Variants in MAST4 observed in about 807,000 individuals in gnomAD.
MAST4 encodes the protein microtubule associated serine/threonine kinase family member 4.
A neutral mutation model predicts 162.7 loss-of-function variants in MAST4; 89 were observed. The ratio of observed to expected loss-of-function variants is 0.55; its 90% CI spans 0.46 to 0.65. The LOEUF (loss-of-function observed/expected upper bound fraction) is 0.65. Ranked by LOEUF, MAST4 falls within the 30% of genes least tolerant of loss-of-function variation. The probability of loss-of-function intolerance (pLI) is 0.00; values close to 1 mark genes in which losing one functional copy is unlikely to be tolerated. For synonymous variants in MAST4, 1,479 were observed against 1,361.1 expected, an observed-to-expected ratio of 1.09 and a Z score of -1.91; for missense variants, 3,153 against 3,374.0, an observed-to-expected ratio of 0.93 and a Z score of 1.62.
chr5:67,140,045 C>T (rs926725075), intron 19 of MAST4, among the ~76,000 whole-genome samples: 2 of 152,220 alleles, frequency 1.3e-5, no homozygotes, highest in African/African-American at 4.8e-5. Context: ...ACACTGGCTG[C>T]AGTCTGGTTG....
chr5:67,138,979 A>G (rs2151022408), intron 19 of MAST4, among the ~76,000 whole-genome samples: 1 of 152,362 alleles, frequency 6.6e-6, no homozygotes, highest in East Asian at 1.9e-4. Flanking sequence ...TTTATAAATC[A>G]TAGGCTGCAA....
chr5:66,791,171 A>G (rs147943729), intron 3 of MAST4, among the ~76,000 whole-genome samples: 527 of 152,260 alleles, frequency 3.5e-3, no homozygotes, highest in Non-Finnish European at 6.3e-3. Flanking sequence ...TTACAGGAGT[A>G]CACCACCACG....
At chr5:66,748,687 A>C (rs1007808868) in intron 1 of MAST4, among the ~76,000 whole-genome samples, 2 of 151,576 alleles carry the variant, frequency 1.3e-5, no homozygotes, top group Non-Finnish European at 1.5e-5. Context: ...ACAGGGTTTC[A>C]CCATGTTGGC....
intron 1 of MAST4, among the ~76,000 whole-genome samples, chr5:66,699,941 T>A (rs1749659022): frequency 1.3e-5 from 2 of 151,942 alleles, no homozygotes; most frequent in African/African-American, 4.8e-5. Context: ...AACCCCAAAC[T>A]CTTTGTCTCA....
chr5:67,070,603 A>G lies in MAST4; in HGVS notation c.763+16111A>G, dbSNP rs148515048. 4.8e-3 allele frequency among the ~76,000 whole-genome samples: 728 copies of G among 152,328 alleles called. 5 individuals carry two copies. Among genetic ancestry groups the G allele is most frequent in the African/African-American group, 0.017 (686 of 41,570 alleles). On this transcript the variant is annotated intron_variant, in intron 5 of 28. Transcript: ENST00000403625. ...ATCATGCATTCTGCTTTTTATTAAA[A>G]TACCCATAACATCTGCCACCACACC...
intron 5 of MAST4, among the ~76,000 whole-genome samples, chr5:67,079,407 T>A (rs1581477026): frequency 6.6e-6 from 1 of 152,180 alleles, no homozygotes; most frequent in African/African-American, 2.4e-5. Context: ...AATTTTTTTA[T>A]ACACATATGC....
chr5:66,761,433 C>T (rs1428473028), intron 2 of MAST4, among the ~76,000 whole-genome samples: 1 of 152,126 alleles, frequency 6.6e-6, no homozygotes, highest in African/African-American at 2.4e-5. Flanking sequence ...CATCAGAGTA[C>T]TTTTTCCTCT....
chr5:66,822,367 A>T (rs1035205325), intron 3 of MAST4, among the ~76,000 whole-genome samples: 1 of 152,234 alleles, frequency 6.6e-6, no homozygotes, highest in African/African-American at 2.4e-5. Context: ...AGACTAGAAA[A>T]TGAAGAGCTG....
chr5:66,742,450 T>C (rs1752527992), intron 1 of MAST4, among the ~76,000 whole-genome samples: 1 of 152,106 alleles, frequency 6.6e-6, no homozygotes, highest in Non-Finnish European at 1.5e-5. Flanking sequence ...AATAAAATTG[T>C]TTATAGACAT....
intron 4 of MAST4, among the ~76,000 whole-genome samples, chr5:66,947,956 C>T (rs1056833110): frequency 6.6e-6 from 1 of 152,238 alleles, no homozygotes; most frequent in South Asian, 2.1e-4. Context: ...AAAATCTAAT[C>T]TCTTTCCCCT....
At chr5:66,891,439 C>T (rs149475970) in intron 3 of MAST4, among the ~76,000 whole-genome samples, 1 of 152,286 alleles carries the variant, frequency 6.6e-6, no homozygotes, top group Non-Finnish European at 1.5e-5. Context: ...CTCCCAGAGC[C>T]ATGTGACACC....
chr5:66,826,721 A>G (rs1580550084), intron 3 of MAST4, among the ~76,000 whole-genome samples: 1 of 152,186 alleles, frequency 6.6e-6, no homozygotes, highest in East Asian at 1.9e-4. Context: ...GTAGAAGTGT[A>G]TATGAGTACA....
intron 3 of MAST4, among the ~76,000 whole-genome samples, chr5:66,872,449 C>A (rs1024926202): frequency 6.6e-6 from 1 of 152,088 alleles, no homozygotes; most frequent in African/African-American, 2.4e-5. Context: ...GGATTACAGG[C>A]GGGAGCCACC....
At chr5:66,806,036 A>G (rs770630696) in intron 3 of MAST4, among the ~76,000 whole-genome samples, 1 of 152,214 alleles carries the variant, frequency 6.6e-6, no homozygotes, top group Non-Finnish European at 1.5e-5. Context: ...GCAGTGTCAC[A>G]GGAGCCAACT....
intron 2 of MAST4, among the ~76,000 whole-genome samples, chr5:66,768,911 G>A (rs1258782490): frequency 6.6e-6 from 1 of 152,110 alleles, no homozygotes; most frequent in Non-Finnish European, 1.5e-5. Context: ...AAAGCAGAGA[G>A]TTATTGGATT....
chr5:67,057,036 A>T (rs543220648), intron 5 of MAST4, among the ~76,000 whole-genome samples: 14 of 152,240 alleles, frequency 9.2e-5, no homozygotes, highest in Admixed American at 3.9e-4. Flanking sequence ...TGGAGCCAAC[A>T]TGTTGTTGTT....
chr5:67,105,400 A>G lies in MAST4; in HGVS notation c.1356+825A>G, dbSNP rs1765486460. 1.1e-4 allele frequency among the ~76,000 whole-genome samples: 16 copies of G among 150,920 alleles called. No homozygotes were observed. The South Asian group carries it at 2.7e-3, about 25-fold the overall frequency. On this transcript the variant is annotated intron_variant, in intron 10 of 28. Transcript: ENST00000403625. ...TAGCATCCTAATTTTTGAGAACTCT[A>G]TCTATCCTTGCCCCTGCAGAATTTA...
intron 1 of MAST4, among the ~76,000 whole-genome samples, chr5:66,676,218 A>C (rs528022379): frequency 6.6e-6 from 1 of 152,326 alleles, no homozygotes; most frequent in Admixed American, 6.5e-5. Flanking sequence ...GTCTGGAAGG[A>C]AGCACAGGTG....
chr5:66,848,667 A>G (rs1759070966), intron 3 of MAST4, among the ~76,000 whole-genome samples: 2 of 152,204 alleles, frequency 1.3e-5, no homozygotes, highest in Non-Finnish European at 2.9e-5. Flanking sequence ...TGTGAGGATT[A>G]GGATGTATGG....
Sources: allele counts gnomAD v4.1 joint callset (sites outside exome capture counted in the v4.1 genomes callset), GRCh38; gene constraint gnomAD v4.1.1; transcripts MANE v1.5; gene names NCBI Gene and HGNC (gene_info 2026-07-23, HGNC 2026-07-21).